SORCS2: variants seen among roughly 807,000 people sequenced by gnomAD.
SORCS2 encodes the protein sortilin related VPS10 domain containing receptor 2.
SORCS2 carries 100 observed loss-of-function variants against 141.6 expected under a neutral mutation model. The ratio of observed to expected loss-of-function variants is 0.71; its 90% CI spans 0.60 to 0.83. The LOEUF (loss-of-function observed/expected upper bound fraction) is 0.83. SORCS2 is among the 40% of genes least tolerant of loss of function. The pLI, the probability that SORCS2 is intolerant of heterozygous loss-of-function variation, is 0.00. For missense variants in SORCS2, 1,646 were observed against 1,560.2 expected (o/e 1.05, Z -0.93); for synonymous variants, 789 against 676.9 (o/e 1.17, Z -2.57).
At chr4:7,280,593 G>C (rs180928347) in intron 1 of SORCS2, among the ~76,000 whole-genome samples, 1 of 152,326 alleles carries the variant, frequency 6.6e-6, no homozygotes, top group East Asian at 1.9e-4. Flanking sequence ...GGATGGCGTG[G>C]TAAGAATATA....
At chr4:7,595,465 T>C (rs1213850179) in intron 3 of SORCS2, among the ~76,000 whole-genome samples, 8 of 151,994 alleles carry the variant, frequency 5.3e-5, no homozygotes, top group Admixed American at 3.3e-4. Context: ...GCCCCAAAAC[T>C]CTAACCCTGC....
At chr4:7,661,767 A>C (rs1392871610) in intron 6 of SORCS2, among the ~76,000 whole-genome samples, 1 of 152,188 alleles carries the variant, frequency 6.6e-6, no homozygotes, top group African/African-American at 2.4e-5. Flanking sequence ...ACTCCAGTGG[A>C]AAAGTCTATT....
intron 3 of SORCS2, among the ~76,000 whole-genome samples, chr4:7,613,378 C>G (rs1718550305): frequency 6.6e-6 from 1 of 152,226 alleles, no homozygotes; most frequent in Admixed American, 6.5e-5. Flanking sequence ...GGCCAGGTGC[C>G]AGGAAGCTGC....
intron 3 of SORCS2, among the ~76,000 whole-genome samples, chr4:7,613,662 C>T (rs1718568742): frequency 6.6e-6 from 1 of 152,082 alleles, no homozygotes; most frequent in Admixed American, 6.5e-5. Flanking sequence ...ACTGGACAAC[C>T]GATTCCACAC....
intron 3 of SORCS2, among the ~76,000 whole-genome samples, chr4:7,623,994 T>C (rs567827029): frequency 6.6e-6 from 1 of 152,278 alleles, no homozygotes; most frequent in Non-Finnish European, 1.5e-5. Context: ...TGGGACTCAC[T>C]TGCTTGGGGC....
At chr4:7,512,893 C>T (rs1408612985) in intron 2 of SORCS2, among the ~76,000 whole-genome samples, 1 of 152,332 alleles carries the variant, frequency 6.6e-6, no homozygotes, top group East Asian at 1.9e-4. Flanking sequence ...CGGGCCCTGC[C>T]CCTCCATGGC....
At chr4:7,619,920 AGCCCCT>A (rs953505429) in intron 3 of SORCS2, among the ~76,000 whole-genome samples, 9 of 152,144 alleles carry the variant, frequency 5.9e-5, no homozygotes, top group East Asian at 1.9e-4. Flanking sequence ...CAGATTCGTC[AGCCCCT>A]GCCCCTGCCC....
At chr4:7,336,210 G>A (rs1577414247) in intron 1 of SORCS2, among the ~76,000 whole-genome samples, 1 of 152,308 alleles carries the variant, frequency 6.6e-6, no homozygotes, top group East Asian at 1.9e-4. Flanking sequence ...GCTCGTGGTG[G>A]AGATGGCCCC....
At chr4:7,593,235 C>T (rs969717653) in intron 3 of SORCS2, among the ~76,000 whole-genome samples, 4 of 152,098 alleles carry the variant, frequency 2.6e-5, no homozygotes, top group Admixed American at 6.5e-5. Context: ...AGTGGAGCCT[C>T]GGGAGTCCCA....
At chr4:7,407,365 T>A (rs1399769478) in intron 2 of SORCS2, among the ~76,000 whole-genome samples, 1 of 152,144 alleles carries the variant, frequency 6.6e-6, no homozygotes, top group East Asian at 1.9e-4. Flanking sequence ...GAGATTCGTG[T>A]TGAGGGCATA....
At chr4:7,629,774 A>C (rs1325182316) in intron 3 of SORCS2, among the ~76,000 whole-genome samples, 1 of 151,354 alleles carries the variant, frequency 6.6e-6, no homozygotes, top group Non-Finnish European at 1.5e-5. Flanking sequence ...CCCTCCCTCT[A>C]CTTGGGTGTA....
At chr4:7,270,299 C>T (rs968539534) in intron 1 of SORCS2, among the ~76,000 whole-genome samples, 1 of 152,280 alleles carries the variant, frequency 6.6e-6, no homozygotes, top group African/African-American at 2.4e-5. Flanking sequence ...CAGCACCCGC[C>T]AGTGTGCTGC....
intron 3 of SORCS2, among the ~76,000 whole-genome samples, chr4:7,550,730 T>C (rs1560379223): frequency 3.3e-5 from 5 of 152,186 alleles, no homozygotes. Context: ...GACAATCCAC[T>C]GTAGGGGAGA....
At chr4:7,679,136 A>G (rs144614159) in intron 9 of SORCS2, among the ~76,000 whole-genome samples, 1 of 148,968 alleles carries the variant, frequency 6.7e-6, no homozygotes, top group Non-Finnish European at 1.5e-5. Context: ...CAGGAAAAAA[A>G]TGTTTGGTAC....
chr4:7,211,363 T>C (rs1172487222), intron 1 of SORCS2, among the ~76,000 whole-genome samples: 2 of 152,144 alleles, frequency 1.3e-5, no homozygotes. Flanking sequence ...TCCCTGACAT[T>C]TTTCAGGATA....
At chr4:7,709,553 C>G (rs773589847) in intron 14 of SORCS2, among the ~76,000 whole-genome samples, 23 of 152,222 alleles carry the variant, frequency 1.5e-4, no homozygotes, top group Non-Finnish European at 5.9e-5. Flanking sequence ...AGACAGCTTC[C>G]CAGTCCCAGT....
At chr4:7,702,166 TGG>T (rs1292029817) in intron 12 of SORCS2, among the ~76,000 whole-genome samples, 3 of 151,632 alleles carry the variant, frequency 2.0e-5, no homozygotes, top group East Asian at 3.9e-4. Context: ...CTGCCTGGGG[TGG>T]CTGTCCTCTG....
chr4:7,375,132 A>T (rs1008789864), intron 1 of SORCS2, among the ~76,000 whole-genome samples: 3 of 150,732 alleles, frequency 2.0e-5, no homozygotes, highest in African/African-American at 7.3e-5. Context: ...GGCTTCTGGG[A>T]CTCTCCCCTG....
chr4:7,196,046 T>A (rs1727148786), intron 1 of SORCS2, among the ~76,000 whole-genome samples: 2 of 152,226 alleles, frequency 1.3e-5, no homozygotes, highest in Admixed American at 1.3e-4. Context: ...ATTTAAGCCC[T>A]CATTGCTACA....
Sources: allele counts gnomAD v4.1 joint callset (sites outside exome capture counted in the v4.1 genomes callset), GRCh38; gene constraint gnomAD v4.1.1; transcripts MANE v1.5; gene names NCBI Gene and HGNC (gene_info 2026-07-23, HGNC 2026-07-21).